The following PIK3C3 variants were observed in gnomAD, a reference collection of about 807,000 sequenced individuals.
PIK3C3 encodes the protein phosphatidylinositol 3-kinase catalytic subunit type 3, also known as PI3-kinase type 3.
Under a neutral mutation model 126.1 loss-of-function variants are expected in PIK3C3, and 95 were observed. The ratio of observed to expected loss-of-function variants is 0.75; its 90% CI spans 0.64 to 0.89. The LOEUF is 0.89. PIK3C3 is among the 40% of genes least tolerant of loss of function. PIK3C3 has a pLI of 0.00. For missense variants in PIK3C3, 829 were observed against 1,063.2 expected (o/e 0.78, Z 3.06); for synonymous variants, 374 against 360.0 (o/e 1.04, Z -0.44).
chr18:42,052,395 AT>A (rs1232558671), intron 21 of PIK3C3, among the ~76,000 whole-genome samples: 1 of 152,118 alleles, frequency 6.6e-6, no homozygotes, highest in Non-Finnish European at 1.5e-5. Context: ...TAAGATGCAC[AT>A]TTTTTTCCTA....
intron 4 of PIK3C3, among the ~76,000 whole-genome samples, chr18:41,974,349 C>CT (rs1330648523): frequency 6.6e-6 from 1 of 152,148 alleles, no homozygotes; most frequent in Non-Finnish European, 1.5e-5. Flanking sequence ...AAGTCCAGTT[C>CT]TTTCAGGATG....
chr18:41,974,556 C>T (rs1485194401), intron 4 of PIK3C3, among the ~76,000 whole-genome samples: 1 of 150,280 alleles, frequency 6.7e-6, no homozygotes, highest in African/African-American at 2.4e-5. Context: ...TACCCCCCCA[C>T]CCCCTGCCCC....
chr18:41,977,627 A>T (rs1440079870), intron 4 of PIK3C3, among the ~76,000 whole-genome samples: 4 of 151,928 alleles, frequency 2.6e-5, no homozygotes, highest in African/African-American at 4.8e-5. Context: ...AGCTGGGATT[A>T]CAGGTGCGTG....
In PIK3C3 at chr18:42,012,514, C is replaced by A. The variant is rs146834861; in HGVS notation, c.1171-928C>A. On this transcript the variant is annotated intron_variant, in intron 10 of 24. Coordinates refer to ENST00000262039, the MANE Select transcript of PIK3C3 (RefSeq NM_002647.4). ...TGACAATTAGAATTGGAAGATAATACGTACATTTAAAAATTTTTTGAGCTT... is the reference window on the plus strand; with the variant it reads ...TGACAATTAGAATTGGAAGATAATAAGTACATTTAAAAATTTTTTGAGCTT... Among the ~76,000 whole-genome samples the A allele has an allele frequency of 2.2e-3, 337 of 152,178 alleles. 1 individual carries two copies. The highest frequency in any genetic ancestry group is 7.5e-3 in the African/African-American group (311 of 41,544).
rs752123097 is a variant in PIK3C3 at position 42,067,434 on chromosome 18, A to G, written c.2570A>G (p.His857Arg). 4.3e-6 allele frequency: 7 copies of G among 1,613,878 alleles called. No homozygotes were observed. Among genetic ancestry groups the G allele is most frequent in the African/African-American group, 1.3e-5 (1 of 74,946 alleles). Reference protein sequence around the residue: ...RLDLSDEEAVHYMQSLIDESV... With the variant: ...RLDLSDEEAVRYMQSLIDESV... ...GACCTGTCGGATGAAGAGGCTGTGC[A>G]TTACATGCAGAGTCTGATTGATGAG... The change falls in exon 24 of 25, where the codon CAT (histidine) becomes CGT (arginine). Residue 857 changes from histidine (H) to arginine (R), a missense_variant. Coordinates refer to ENST00000262039, the MANE Select transcript of PIK3C3 (RefSeq NM_002647.4).
intron 9 of PIK3C3, among the ~76,000 whole-genome samples, chr18:42,000,498 T>C (rs1982233820): frequency 6.6e-6 from 1 of 152,090 alleles, no homozygotes; most frequent in Non-Finnish European, 1.5e-5. Flanking sequence ...TACAAGTAAG[T>C]TGACTTTGGA....
chr18:42,029,907 T>C (rs968752036), intron 15 of PIK3C3, among the ~76,000 whole-genome samples: 3 of 152,098 alleles, frequency 2.0e-5, no homozygotes, highest in Admixed American at 1.3e-4. Flanking sequence ...TATATATATA[T>C]TGATATGATA....
At chr18:41,973,075 T>A (rs1024902000) in intron 4 of PIK3C3, among the ~76,000 whole-genome samples, 2 of 152,084 alleles carry the variant, frequency 1.3e-5, no homozygotes, top group Admixed American at 6.5e-5. Flanking sequence ...ATGTAGCTCT[T>A]TAATTGATTC....
intron 21 of PIK3C3, among the ~76,000 whole-genome samples, chr18:42,054,164 A>ATATATC (rs1984946453): frequency 1.9e-4 from 9 of 47,042 alleles, no homozygotes; most frequent in Admixed American, 1.5e-3. Context: ...ATATATATAT[A>ATATATC]TATATATATA....
At position 41,987,053 on chromosome 18, in the gene PIK3C3, G is replaced by T. The variant is rs114609012; in HGVS notation, c.532-759G>T. On this transcript the variant is annotated intron_variant, in intron 4 of 24. Coordinates refer to ENST00000262039, the MANE Select transcript of PIK3C3 (RefSeq NM_002647.4). Reference sequence around the variant, plus strand: ...AAGCAGAAGAAACTGATATAGATAAGCTACTATGTAAAGCTTTGATGTCCA... The same window carrying T: ...AAGCAGAAGAAACTGATATAGATAATCTACTATGTAAAGCTTTGATGTCCA... Among the ~76,000 whole-genome samples the T allele has an allele frequency of 9.3e-3, 1,414 of 152,078 alleles. 21 individuals carry two copies. Among genetic ancestry groups the T allele is most frequent in the African/African-American group, 0.032 (1,348 of 41,496 alleles).
At chr18:42,060,722 A>G (rs530119395) in intron 22 of PIK3C3, among the ~76,000 whole-genome samples, 71 of 152,324 alleles carry the variant, frequency 4.7e-4, no homozygotes, top group African/African-American at 1.5e-3. Context: ...GGTTACAGTG[A>G]GCCAAAATCA....
In PIK3C3 at chr18:42,009,718, AT is replaced by A. The variant is rs1229983454; in HGVS notation, c.1171-3723del. Among the ~76,000 whole-genome samples, 347 of 148,330 alleles carry A rather than the reference AT, an allele frequency of 2.3e-3. 1 individual carries two copies. The highest frequency in any genetic ancestry group is 8.3e-3 in the African/African-American group (323 of 39,088). On this transcript the variant is annotated intron_variant, in intron 10 of 24. Transcript: ENST00000262039. ...CATTATGTAATGCTTACATTATGTAATGTACATTATGTAATGCTTACATTAT... is the reference window on the plus strand; with the variant it reads ...CATTATGTAATGCTTACATTATGTAAGTACATTATGTAATGCTTACATTAT...
intron 22 of PIK3C3, among the ~76,000 whole-genome samples, chr18:42,058,955 C>T (rs1380370957): frequency 6.6e-6 from 1 of 152,208 alleles, no homozygotes; most frequent in Admixed American, 6.5e-5. Flanking sequence ...TGCCTGTGCA[C>T]ATGGGTTCTG....
chr18:42,028,759 G>T (rs189819197), intron 14 of PIK3C3, among the ~76,000 whole-genome samples: 1 of 152,222 alleles, frequency 6.6e-6, no homozygotes. Context: ...TCCCTTACCA[G>T]GGTAATTGGG....
At chr18:41,972,441 G>A (rs1364257543) in intron 4 of PIK3C3, among the ~76,000 whole-genome samples, 2 of 152,064 alleles carry the variant, frequency 1.3e-5, no homozygotes, top group Non-Finnish European at 2.9e-5. Flanking sequence ...AGAATGGTTA[G>A]CAGTTTTCAG....
chr18:42,063,467 T>G lies in PIK3C3; in HGVS notation c.2433-1273T>G, dbSNP rs140732005. Among the ~76,000 whole-genome samples the G allele has an allele frequency of 3.6e-3, 548 of 152,342 alleles. 2 individuals carry two copies. Among genetic ancestry groups the G allele is most frequent in the African/African-American group, 0.012 (519 of 41,586 alleles). On this transcript the variant is annotated intron_variant, in intron 22 of 24. Coordinates refer to ENST00000262039, the MANE Select transcript of PIK3C3 (RefSeq NM_002647.4). ...AATTCCCACAAAGAAATTAGTAATT[T>G]AAAGCTAGGTTAAAGCTGTTTAGCT...
chr18:42,031,390 A>G (rs1005503811), intron 15 of PIK3C3, among the ~76,000 whole-genome samples: 9 of 152,156 alleles, frequency 5.9e-5, no homozygotes, highest in Non-Finnish European at 8.8e-5. Flanking sequence ...GTCAGTCTAC[A>G]TATTTGAATT....
intron 3 of PIK3C3, among the ~76,000 whole-genome samples, chr18:41,969,199 TC>T (rs1980527547): frequency 1.3e-5 from 2 of 152,128 alleles, no homozygotes; most frequent in South Asian, 2.1e-4. Context: ...TACACACACT[TC>T]TAGTTTTTTT....
intron 10 of PIK3C3, among the ~76,000 whole-genome samples, chr18:42,008,548 A>G (rs373206247): frequency 6.6e-6 from 1 of 152,238 alleles, no homozygotes; most frequent in East Asian, 1.9e-4. Context: ...TGATTTTGAT[A>G]TGGGACTTCA....
Sources: allele counts gnomAD v4.1 joint callset (sites outside exome capture counted in the v4.1 genomes callset), GRCh38; gene constraint gnomAD v4.1.1; transcripts MANE v1.5; gene names NCBI Gene and HGNC (gene_info 2026-07-23, HGNC 2026-07-21).